The following TNRC6B variants were observed in gnomAD, a reference collection of about 807,000 sequenced individuals.
TNRC6B encodes trinucleotide repeat-containing gene 6B protein.
TNRC6B carries 52 observed loss-of-function variants against 203.6 expected under a neutral mutation model. The ratio of observed to expected loss-of-function variants is 0.26; its 90% CI spans 0.20 to 0.32. The LOEUF is 0.32. Ranked by LOEUF, TNRC6B falls within the 10% of genes least tolerant of loss-of-function variation. The pLI, the probability that TNRC6B is intolerant of heterozygous loss-of-function variation, is 1.00. For synonymous variants in TNRC6B, 838 were observed against 845.7 expected, an observed-to-expected ratio of 0.99 and a Z score of 0.16; for missense variants, 1,923 against 2,286.2, an observed-to-expected ratio of 0.84 and a Z score of 3.24.
chr22:40,308,513 C>T lies in TNRC6B; in HGVS notation c.4122C>T (p.Gly1374=). The T allele has an allele frequency of 3.1e-6, 5 of 1,613,930 alleles. No individual in the cohort carries two copies. The highest frequency in any genetic ancestry group is 1.1e-5 in the South Asian group (1 of 91,074). The stretch of plus-strand genomic sequence containing the variant: ...AAAATGTGGTCTTCTCCTTTTTAGG[C>T]TTCAGCTCTGGCGGCATGGACTATG... ...TKGPIPGYGS[G]FSSGGMDYGM... Residue 1374 remains glycine, a splice_region_variant and synonymous_variant, in exon 16 of 23, where the codon GGC becomes GGT. Transcript: ENST00000454349.
intron 2 of TNRC6B, among the ~76,000 whole-genome samples, chr22:40,120,561 G>A (rs1158009637): frequency 6.6e-6 from 1 of 152,138 alleles, no homozygotes; most frequent in African/African-American, 2.4e-5. Context: ...AAAAGTGTGT[G>A]ATTAATGCTG....
intron 2 of TNRC6B, among the ~76,000 whole-genome samples, chr22:40,124,348 G>A (rs903706608): frequency 6.9e-6 from 1 of 145,776 alleles, no homozygotes; most frequent in South Asian, 2.1e-4. Context: ...TTTGAGACAG[G>A]GTCTCACTCT....
intron 15 of TNRC6B, among the ~76,000 whole-genome samples, chr22:40,303,338 C>A (rs1203443187): frequency 6.6e-6 from 1 of 151,950 alleles, no homozygotes; most frequent in Non-Finnish European, 1.5e-5. Flanking sequence ...TTCTTTCTTA[C>A]TTCTAATGGC....
At chr22:40,298,827 G>A (rs539990494) in intron 12 of TNRC6B, among the ~76,000 whole-genome samples, 4 of 152,196 alleles carry the variant, frequency 2.6e-5, no homozygotes, top group African/African-American at 4.8e-5. Flanking sequence ...TTAGCCGGGC[G>A]CAGTGGCGGG....
Position 40,266,321 on chromosome 22 carries a change from C to A in TNRC6B, c.2091C>A (p.Gly697=). The change falls in exon 5 of 23, where the codon GGC becomes GGA. Residue 697 remains glycine, a synonymous_variant. Transcript: ENST00000454349. ...GGAAAGACCCCAAGAACACAGGAGG[C>A]TGGAATGACTACAAGAACAACAACT... The part of the protein sequence containing the change: ...TEWKDPKNTG[G]WNDYKNNNSS... The A allele has an allele frequency of 6.2e-7, 1 of 1,600,584 alleles. No homozygotes were observed. Among genetic ancestry groups the A allele is most frequent in the Non-Finnish European group, 8.5e-7 (1 of 1,173,204 alleles).
At chr22:40,300,620 G>A in intron 13 of TNRC6B, 34 bp downstream of exon 13, 1 of 1,581,802 alleles carries the variant, frequency 6.3e-7, no homozygotes, top group East Asian at 2.2e-5. Flanking sequence ...TGGCTAAAAA[G>A]GTCATTTGCT....
chr22:40,136,567 A>AT lies in TNRC6B; in HGVS notation c.45+10717dup, dbSNP rs925448897. On this transcript the variant is annotated intron_variant, in intron 3 of 23. Transcript: ENST00000301923. ...GATGCATGCCACCACACCGAGCTAA[A>AT]TTTTTTTTTTTTAACTCTTTTTGTA... is the stretch of plus-strand genomic sequence containing the variant. 2.0e-3 allele frequency among the ~76,000 whole-genome samples: 295 copies of AT among 146,356 alleles called. 3 individuals carry two copies. The highest frequency in any genetic ancestry group is 5.4e-3 in the African/African-American group (217 of 39,980).
At chr22:40,154,702 A>G (rs866948000) in intron 3 of TNRC6B, among the ~76,000 whole-genome samples, 2 of 148,488 alleles carry the variant, frequency 1.3e-5, no homozygotes, top group South Asian at 2.1e-4. Context: ...TTAGCTGAGC[A>G]TAGTGGCGGG....
chr22:40,139,614 G>C (rs1335263493), intron 3 of TNRC6B, among the ~76,000 whole-genome samples: 1 of 152,162 alleles, frequency 6.6e-6, no homozygotes, highest in East Asian at 1.9e-4. Context: ...TTACAGGCGC[G>C]AGCCACTGTG....
chr22:40,186,866 G>T (rs952599598), intron 1 of TNRC6B, among the ~76,000 whole-genome samples: 1 of 151,406 alleles, frequency 6.6e-6, no homozygotes, highest in Non-Finnish European at 1.5e-5. Flanking sequence ...AACATTTTAC[G>T]TTTTTTTTGT....
chr22:40,100,948 C>T (rs958260286), intron 1 of TNRC6B, among the ~76,000 whole-genome samples: 2 of 151,590 alleles, frequency 1.3e-5, no homozygotes, highest in East Asian at 1.9e-4. Context: ...CTCAGCAGGT[C>T]CCCAAGTTCT....
Position 40,281,332 on chromosome 22 carries a change from C to T in TNRC6B, c.3582+43C>T, listed in dbSNP as rs867768372. ...ATTTATAACTGCTTGGCTATGGCCT[C>T]GCCTTGGTCCTGGTCTGCAGTTTAT... is the stretch of plus-strand genomic sequence containing the variant. On this transcript the variant is annotated intron_variant, in intron 11 of 22. Transcript: ENST00000454349. 32 of 1,471,564 alleles carry T rather than the reference C, an allele frequency of 2.2e-5. No homozygotes were observed. In the Middle Eastern group the frequency reaches 3.9e-3, roughly 177 times the overall value. The allele number at this position is 1,471,564 out of a possible 1,614,324, so 91.2% of individuals were successfully genotyped here.
rs1328211320 is a variant in TNRC6B, at chr22:40,327,948, G to A, written c.*4707G>A. 1.3e-5 allele frequency: 2 copies of A among 151,642 alleles called. No individual in the cohort carries two copies. Among genetic ancestry groups the A allele is most frequent in the Non-Finnish European group, 2.9e-5 (2 of 67,992 alleles). The allele number at this position is 151,642 out of a possible 1,614,324, so 9.4% of individuals were successfully genotyped here. The stretch of plus-strand genomic sequence containing the variant: ...CAAACTTGGTTTCTACCTACCACAC[G>A]AGTAGCCAAAAGAAAAGAAGCACTA... On this transcript the variant is annotated 3_prime_UTR_variant, in exon 23 of 23. Transcript: ENST00000454349.
intron 1 of TNRC6B, chr22:40,106,583 T>C (rs1176163957): frequency 2.7e-6 from 2 of 727,690 alleles, no homozygotes; most frequent in East Asian, 5.0e-5. Flanking sequence ...CTTACTGAAT[T>C]CTCCATAACC....
intron 1 of TNRC6B, among the ~76,000 whole-genome samples, chr22:40,057,839 G>C (rs1186426657): frequency 6.6e-6 from 1 of 152,134 alleles, no homozygotes; most frequent in Non-Finnish European, 1.5e-5. Flanking sequence ...TGCTGATGGT[G>C]TCTCATGCTC....
At chr22:40,260,736 C>G (rs537705705) in intron 3 of TNRC6B, among the ~76,000 whole-genome samples, 1 of 152,306 alleles carries the variant, frequency 6.6e-6, no homozygotes, top group East Asian at 1.9e-4. Flanking sequence ...GGCAGCACTT[C>G]AGGGAATTAA....
At chr22:40,182,322 C>T (rs1005108602) in intron 1 of TNRC6B, among the ~76,000 whole-genome samples, 1 of 152,100 alleles carries the variant, frequency 6.6e-6, no homozygotes, top group Non-Finnish European at 1.5e-5. Flanking sequence ...AGATATTAGA[C>T]TTCTTTAAGT....
intron 19 of TNRC6B, among the ~76,000 whole-genome samples, chr22:40,313,999 C>G (rs886678851): frequency 1.3e-5 from 2 of 152,130 alleles, no homozygotes; most frequent in African/African-American, 4.8e-5. Flanking sequence ...AACCACCACC[C>G]TACATTACAC....
intron 6 of TNRC6B, among the ~76,000 whole-genome samples, 185 bp downstream of exon 6, chr22:40,270,465 G>T (rs371863858): frequency 6.6e-6 from 1 of 151,814 alleles, no homozygotes; most frequent in African/African-American, 2.4e-5. Flanking sequence ...GATTACAGGC[G>T]CCCGCCACCA....
Sources: allele counts gnomAD v4.1 joint callset (sites outside exome capture counted in the v4.1 genomes callset), GRCh38; gene constraint gnomAD v4.1.1; transcripts MANE v1.5; gene names NCBI Gene and HGNC (gene_info 2026-07-23, HGNC 2026-07-21).